PDLIM7: variants seen among roughly 807,000 people sequenced by gnomAD.
PDLIM7 encodes the protein PDZ and LIM domain protein 7.
In PDLIM7, 37 loss-of-function variants were observed where a neutral mutation model predicts 53.9. The ratio of observed to expected loss-of-function variants is 0.69; its 90% CI spans 0.53 to 0.90. PDLIM7 has a LOEUF of 0.90. Among genes scored for constraint, PDLIM7 ranks in the 40% least tolerant of loss-of-function variants. PDLIM7 has a pLI of 0.00. For missense variants in PDLIM7, 617 were observed against 638.5 expected (o/e 0.97, Z 0.36); for synonymous variants, 300 against 261.3 (o/e 1.15, Z -1.43).
Position 177,483,523 on chromosome 5 carries a change from C to G in PDLIM7, c.*121G>C. 1.4e-6 allele frequency: 1 copy of G among 692,748 alleles called. No individual in the cohort carries two copies. Among genetic ancestry groups the G allele is most frequent in the South Asian group, 1.9e-5 (1 of 52,066 alleles). The allele number at this position is 692,748 out of a possible 1,614,324, so 42.9% of individuals were successfully genotyped here. On this transcript the variant is annotated 3_prime_UTR_variant, in exon 13 of 13. Transcript: ENST00000355841. Reference sequence around the variant, plus strand: ...TGGGTGGGGCAGGGCCCAGGGAGCCCCAGGCTCGGGCCAGGAGCCAGGGTT... The same window carrying G: ...TGGGTGGGGCAGGGCCCAGGGAGCCGCAGGCTCGGGCCAGGAGCCAGGGTT...
At chr5:177,496,207 T>C (rs1759061285) in intron 2 of PDLIM7, among the ~76,000 whole-genome samples, 1 of 152,158 alleles carries the variant, frequency 6.6e-6, no homozygotes, top group Non-Finnish European at 1.5e-5. Context: ...TCGGGTACAG[T>C]GCAGGGCTGG....
rs1218766061 is a variant in PDLIM7, at chr5:177,490,708, GGAAGGGAAGGAAGGAA to G, written c.572+146_572+161del. 1.1e-3 allele frequency: 842 copies of G among 738,490 alleles called. 4 individuals carry two copies. Among genetic ancestry groups the G allele is most frequent in the African/African-American group, 0.011 (482 of 43,776 alleles). 45.7% of individuals were successfully genotyped at this position (738,490 alleles called of 1,614,324 possible). A position where few individuals can be genotyped will look rare whatever the true frequency, so the allele number is the denominator to read the frequency against. ...AAGAAATGAAAGAAGGAAGGAAGGA[GGAAGGGAAGGAAGGAA>G]GGAAGGAAGGAAGGAAGGAAGGAAG... On this transcript the variant is annotated intron_variant, in intron 7 of 12. Transcript: ENST00000355841.
At position 177,491,861 on chromosome 5, in the gene PDLIM7, G is replaced by T; in HGVS notation, c.344C>A (p.Thr115Lys). 7.9e-7 allele frequency: 1 copy of T among 1,269,158 alleles called. No individual in the cohort carries two copies. The highest frequency in any genetic ancestry group is 3.2e-5 in the East Asian group (1 of 31,298). 78.6% of individuals were successfully genotyped at this position (1,269,158 alleles called of 1,614,324 possible). A position where few individuals can be genotyped will look rare whatever the true frequency, so the allele number is the denominator to read the frequency against. The change falls in exon 5 of 13, where the codon ACG becomes AAG. Residue 115 changes from threonine to lysine, a missense_variant. Transcript: ENST00000355841. The stretch of plus-strand genomic sequence containing the variant: ...CGGGGGCGCCCCAAAGGGCCGGGCC[G>T]TCTTGTTGAGGGAGACGCTGGGTGC... ...TFAPSVSLNK[T>K]ARPFGAPPPA...
chr5:177,491,704 C>T, intron 5 of PDLIM7, 103 bp downstream of exon 5: 1 of 716,374 alleles, frequency 1.4e-6, no homozygotes, highest in African/African-American at 1.9e-5. Context: ...CCGCACGGTT[C>T]CGCCGGGCTG....
At chr5:177,492,468 G>C in intron 3 of PDLIM7, 33 bp from the exon 4 acceptor site, 5 of 1,613,604 alleles carry the variant, frequency 3.1e-6, no homozygotes, top group Non-Finnish European at 4.2e-6. Context: ...CAGCGGGCCG[G>C]GCCCGCAGGG....
In PDLIM7 at chr5:177,489,556, G is replaced by A. The variant is rs1349248342; in HGVS notation, c.706C>T (p.Pro236Ser). The A allele has an allele frequency of 1.2e-6, 2 of 1,610,868 alleles. No individual in the cohort carries two copies. Among genetic ancestry groups the A allele is most frequent in the Non-Finnish European group, 1.7e-6 (2 of 1,179,290 alleles). ...GTCAGCACTGTGCTCGTTTTGTCCG[G>A]GGCATAGCGCTCGGCAAACGCAGGG... Reference protein sequence around the residue: ...VDPAFAERYAPDKTSTVLTRH... With the variant: ...VDPAFAERYASDKTSTVLTRH... The change falls in exon 9 of 13, where the codon CCG (proline) becomes TCG (serine). Residue 236 changes from proline (P) to serine (S), a missense_variant. Transcript: ENST00000355841.
At chr5:177,495,251 CCT>C (rs1240618742) in intron 2 of PDLIM7, 2 of 152,574 alleles carry the variant, frequency 1.3e-5, no homozygotes, top group South Asian at 2.1e-4. Context: ...TCAAAGGACC[CCT>C]GAGAAGAGCA....
chr5:177,494,042 G>C (rs1758937169), intron 2 of PDLIM7, among the ~76,000 whole-genome samples: 1 of 152,214 alleles, frequency 6.6e-6, no homozygotes, highest in Admixed American at 6.5e-5. Context: ...AAGGCTAAGA[G>C]AGCTCGGCGG....
chr5:177,489,721 C>T (rs1758648634), intron 8 of PDLIM7, 50 bp downstream of exon 8: 4 of 1,488,632 alleles, frequency 2.7e-6, no homozygotes, highest in Non-Finnish European at 1.8e-6. Flanking sequence ...CACCCCCATG[C>T]CCCTGGAGGC....
At chr5:177,496,343 T>TCC (rs1233782568) in intron 2 of PDLIM7, 74 bp downstream of exon 2, 1 of 1,140,618 alleles carries the variant, frequency 8.8e-7, no homozygotes, top group Non-Finnish European at 1.2e-6. Context: ...CTGTTAGGAC[T>TCC]CCCCCCATCA....
In PDLIM7 at chr5:177,485,930, G is replaced by A. The variant is rs1758413580; in HGVS notation, c.1051-1740C>T. On this transcript the variant is annotated intron_variant, in intron 10 of 12. Coordinates refer to ENST00000355841, the MANE Select transcript of PDLIM7 (RefSeq NM_005451.5). ...GAGCCCAGGAGATCAAGGCTGCAGTGAGCAGTGATCATGCCACTGCACTCC... is the reference window on the plus strand; with the variant it reads ...GAGCCCAGGAGATCAAGGCTGCAGTAAGCAGTGATCATGCCACTGCACTCC... Among the ~76,000 whole-genome samples, 5 of 152,168 alleles carry A rather than the reference G, an allele frequency of 3.3e-5. No individual in the cohort carries two copies. In the South Asian group the frequency reaches 1.0e-3, roughly 32 times the overall value.
intron 7 of PDLIM7, 112 bp downstream of exon 7, chr5:177,490,739 AAGGAAGGAAGGAAGGAAGG>A: frequency 1.2e-6 from 1 of 843,832 alleles, no homozygotes; most frequent in Admixed American, 1.9e-5. Flanking sequence ...GGAAGGAAGG[AAGGAAGGAAGGAAGGAAGG>A]AAGGAAGGGA....
chr5:177,486,743 A>G (rs1384783797), intron 10 of PDLIM7, among the ~76,000 whole-genome samples: 1 of 151,862 alleles, frequency 6.6e-6, no homozygotes, highest in Non-Finnish European at 1.5e-5. Context: ...GGTTCACGCC[A>G]TTCTCCTGCC....
rs1199604513 is a variant in PDLIM7, at chr5:177,490,041, G to A, written c.573-209C>T. On this transcript the variant is annotated intron_variant, in intron 7 of 12. Transcript: ENST00000355841. ...GGTGTGCGGTCTCTAGCTGGGAGAC[G>A]AGGCAGGGCTCCCGCTTCTGAGGCA... 10 of 1,532,960 alleles carry A rather than the reference G, an allele frequency of 6.5e-6. No homozygotes were observed. In the East Asian group the frequency reaches 9.8e-5, roughly 15 times the overall value. The allele number at this position is 1,532,960 out of a possible 1,614,324, so 95.0% of individuals were successfully genotyped here.
chr5:177,489,157 T>G (rs1758610955), intron 9 of PDLIM7, among the ~76,000 whole-genome samples: 1 of 152,226 alleles, frequency 6.6e-6, no homozygotes, highest in Non-Finnish European at 1.5e-5. Flanking sequence ...CAGCCTATGG[T>G]TGGCCCTTCG....
chr5:177,490,458 G>A, intron 7 of PDLIM7: 2 of 1,540,382 alleles, frequency 1.3e-6, no homozygotes, highest in East Asian at 2.4e-5. Context: ...GGAACAGAAA[G>A]AGGGAGGCAG....
intron 1 of PDLIM7, among the ~76,000 whole-genome samples, chr5:177,497,047 A>AGGGG (rs1759124909): frequency 1.1e-5 from 1 of 94,980 alleles, no homozygotes; most frequent in African/African-American, 3.8e-5. Context: ...GAGGGGAGGG[A>AGGGG]GGCGGCTGCA....
Position 177,491,697 on chromosome 5 carries a change from C to T in PDLIM7, c.398+110G>A. 2.0e-5 allele frequency: 14 copies of T among 697,002 alleles called. No homozygotes were observed. In the South Asian group the frequency reaches 3.0e-4, roughly 15 times the overall value. The allele number at this position is 697,002 out of a possible 1,614,324, so 43.2% of individuals were successfully genotyped here. A position where few individuals can be genotyped will look rare whatever the true frequency, so the allele number is the denominator to read the frequency against. ...CCCCGGCCGCCAGGGGGCGCTGCCG[C>T]ACGGTTCCGCCGGGCTGGGGCGCAG... On this transcript the variant is annotated intron_variant, in intron 5 of 12. Transcript: ENST00000355841.
intron 10 of PDLIM7, among the ~76,000 whole-genome samples, chr5:177,486,752 C>T (rs969581963): frequency 6.6e-6 from 1 of 152,006 alleles, no homozygotes; most frequent in East Asian, 1.9e-4. Flanking sequence ...CATTCTCCTG[C>T]CTCAGCCTCC....
Sources: gnomAD v4.1 joint callset for allele counts (sites outside exome capture counted in the v4.1 genomes callset) on GRCh38, gnomAD v4.1.1 for gene constraint, MANE v1.5 for transcripts, NCBI Gene and HGNC (gene_info 2026-07-23, HGNC 2026-07-21) for gene names.